Variants in SLC24A1 observed in about 807,000 individuals in gnomAD.
SLC24A1 encodes the protein solute carrier family 24 member 1.
SLC24A1 carries 52 observed loss-of-function variants against 88.1 expected under a neutral mutation model. The observed-to-expected ratio is 0.59, with a 90% CI of 0.47 to 0.74. SLC24A1 has a LOEUF of 0.74. Ranked by LOEUF, SLC24A1 falls within the 30% of genes least tolerant of loss-of-function variation. The probability of loss-of-function intolerance (pLI) is 0.00; values close to 1 mark genes in which losing one functional copy is unlikely to be tolerated. For synonymous variants in SLC24A1, 455 were observed against 498.0 expected (o/e 0.91, Z 1.15); for missense variants, 1,173 against 1,363.3 (o/e 0.86, Z 2.20).
In SLC24A1 at chr15:65,624,044, A is replaced by G. The variant is rs965734156; in HGVS notation, c.-37A>G. On this transcript the variant is annotated 5_prime_UTR_variant, in exon 2 of 10. It removes an upstream start codon present in the reference 5' UTR. Transcript: ENST00000261892. Reference sequence around the variant, plus strand: ...AGAGTAGCCTCCATCTTAGGACAGAATGAGAGGCCTTCTGTAACCAGATAT... The same window carrying G: ...AGAGTAGCCTCCATCTTAGGACAGAGTGAGAGGCCTTCTGTAACCAGATAT... The G allele has an allele frequency of 4.0e-6, 6 of 1,514,426 alleles. No individual in the cohort carries two copies. The African/African-American group carries it at 7.0e-5, about 18-fold the overall frequency. 93.8% of individuals were successfully genotyped at this position (1,514,426 alleles called of 1,614,324 possible).
At position 65,623,977 on chromosome 15, in the gene SLC24A1, G is replaced by T; in HGVS notation, c.-104G>T. ...TAGGGTTGTGGATACCCCCTGGCTG[G>T]GCTTCATGGAGAAATCTTCTCTGAT... is the stretch of plus-strand genomic sequence containing the variant. On this transcript the variant is annotated 5_prime_UTR_variant, in exon 2 of 10. Transcript: ENST00000261892. The T allele has an allele frequency of 9.6e-7, 1 of 1,044,280 alleles. No homozygotes were observed. Among genetic ancestry groups the T allele is most frequent in the Non-Finnish European group, 1.4e-6 (1 of 710,926 alleles). The allele number at this position is 1,044,280 out of a possible 1,614,324, so 64.7% of individuals were successfully genotyped here.
intron 9 of SLC24A1, among the ~76,000 whole-genome samples, chr15:65,653,284 CAG>C (rs1018257938): frequency 1.4e-4 from 21 of 152,310 alleles, no homozygotes; most frequent in East Asian, 1.2e-3. Flanking sequence ...TTGTCAGAAA[CAG>C]GGGCTATTTT....
intron 7 of SLC24A1, 68 bp from the exon 8 acceptor site, chr15:65,651,602 G>T: frequency 1.3e-6 from 1 of 795,882 alleles, no homozygotes. Flanking sequence ...TGTTGGGCTT[G>T]CTCAGAAGGG....
intron 8 of SLC24A1, 128 bp downstream of exon 8, chr15:65,651,887 A>G (rs1428863443): frequency 1.5e-6 from 1 of 688,830 alleles, no homozygotes; most frequent in East Asian, 2.8e-5. Flanking sequence ...TGTTGTTTGT[A>G]AAGGCTTAAA....
Position 65,654,345 on chromosome 15 carries a change from C to G in SLC24A1, c.*266C>G. 2 of 1,255,492 alleles carry G rather than the reference C, an allele frequency of 1.6e-6. No homozygotes were observed. The highest frequency in any genetic ancestry group is 3.9e-5 in the Admixed American group (1 of 25,628). 77.8% of individuals were successfully genotyped at this position (1,255,492 alleles called of 1,614,324 possible). A position where few individuals can be genotyped will look rare whatever the true frequency, so the allele number is the denominator to read the frequency against. ...CTATTACATGGAGGCAGTAGAAGGA[C>G]CCCTGGAGCCAGAGGGTTTTCTAAA... On this transcript the variant is annotated 3_prime_UTR_variant, in exon 10 of 10. Transcript: ENST00000261892.
rs2141456226 is a variant in SLC24A1 at position 65,624,202 on chromosome 15, T to C, written c.122T>C (p.Leu41Pro). The change falls in exon 2 of 10, where the codon CTT becomes CCT. Residue 41 changes from leucine (L) to proline (P), a missense_variant. Transcript: ENST00000261892. ...MLIIGSTYQH[L>P]RRPRGLSSLW... is the part of the protein sequence containing the mutation. ...ATCATCGGTTCTACTTATCAGCACCTTAGGAGACCCCGGGGCCTTTCCTCA... is the reference window on the plus strand; with the variant it reads ...ATCATCGGTTCTACTTATCAGCACCCTAGGAGACCCCGGGGCCTTTCCTCA... 1 of 1,613,888 alleles carries C rather than the reference T, an allele frequency of 6.2e-7. No homozygotes were observed.
chr15:65,645,709 C>T lies in SLC24A1; in HGVS notation c.2232+6C>T. The T allele has an allele frequency of 6.4e-7, 1 of 1,561,756 alleles. No individual in the cohort carries two copies. Among genetic ancestry groups the T allele is most frequent in the South Asian group, 1.2e-5 (1 of 84,652 alleles). On this transcript the variant is annotated splice_donor_region_variant and intron_variant, in intron 6 of 9. Transcript: ENST00000261892. ...AGGAGAATCCAGGCGGTCAGGTAGG[C>T]ACCCAGCCTTGGCACAGACAAAATT...
upstream of SLC24A1, among the ~76,000 whole-genome samples, chr15:65,617,745 T>C (rs527435270): frequency 2.2e-4 from 34 of 152,222 alleles, no homozygotes; most frequent in Non-Finnish European, 4.4e-4. Flanking sequence ...TTGCAAGTGT[T>C]GGCCAGAACT....
At chr15:65,656,284 T>C (rs1596361650), downstream of SLC24A1, 1 of 981,936 alleles carries the variant, frequency 1.0e-6, no homozygotes, top group African/African-American at 1.7e-5. Flanking sequence ...GTTTGCTGAA[T>C]TTCTGGCATA....
At position 65,624,243 on chromosome 15, in the gene SLC24A1, T is replaced by A; in HGVS notation, c.163T>A (p.Ser55Thr). The change falls in exon 2 of 10, where the codon TCT becomes ACT. Residue 55 changes from serine (S) to threonine (T), a missense_variant. Physicochemically the swap from Ser to Thr is moderately conservative, Grantham distance 58 (BLOSUM62 1). Coordinates refer to ENST00000261892, the MANE Select transcript of SLC24A1 (RefSeq NM_004727.3). ...RGLSSLWAAV[S>T]SHQPIKLASR... ...CCTTTCCTCATTGTGGGCAGCAGTC[T>A]CTTCTCATCAGCCTATAAAACTGGC... 1 of 1,613,880 alleles carries A rather than the reference T, an allele frequency of 6.2e-7. No individual in the cohort carries two copies. Among genetic ancestry groups the A allele is most frequent in the South Asian group, 1.1e-5 (1 of 91,066 alleles).
At chr15:65,644,355 T>C (rs769728365) in intron 4 of SLC24A1, 72 bp from the exon 5 acceptor site, 148 of 1,070,804 alleles carry the variant, frequency 1.4e-4, no homozygotes, top group Middle Eastern at 6.0e-4. Context: ...CAGCTGACTG[T>C]CCTAACTGAA....
At chr15:65,618,560 A>G (rs1566942628), upstream of SLC24A1, among the ~76,000 whole-genome samples, 1 of 152,204 alleles carries the variant, frequency 6.6e-6, no homozygotes, top group Non-Finnish European at 1.5e-5. Flanking sequence ...ATTCTGGCAT[A>G]TAGGAGGGAC....
intron 6 of SLC24A1, among the ~76,000 whole-genome samples, chr15:65,645,933 G>T (rs2075287332): frequency 1.3e-5 from 2 of 152,182 alleles, no homozygotes; most frequent in Admixed American, 1.3e-4. Flanking sequence ...AATGTATTGT[G>T]AACTGTCACA....
downstream of SLC24A1, chr15:65,660,303 G>T (rs1195926315): frequency 1.3e-6 from 2 of 1,535,258 alleles, no homozygotes; most frequent in African/African-American, 1.4e-5. Flanking sequence ...AAATGTTTCA[G>T]CATGGTGCTA....
At chr15:65,636,005 G>C (rs1019540478) in intron 2 of SLC24A1, among the ~76,000 whole-genome samples, 3 of 152,214 alleles carry the variant, frequency 2.0e-5, no homozygotes, top group African/African-American at 7.2e-5. Context: ...AGTGGCCCTA[G>C]ATCAAGCACT....
chr15:65,621,612 C>A (rs527773878), upstream of SLC24A1, among the ~76,000 whole-genome samples: 6 of 152,306 alleles, frequency 3.9e-5, no homozygotes, highest in Admixed American at 3.3e-4. Flanking sequence ...TAACTGAGGT[C>A]TTCTGATCTC....
At chr15:65,658,565 T>C (rs536085217), downstream of SLC24A1, 1 of 152,380 alleles carries the variant, frequency 6.6e-6, no homozygotes, top group African/African-American at 2.4e-5. Context: ...CAGAAGTGTT[T>C]TGGATTTCAG....
chr15:65,642,533 A>C (rs984008869), intron 4 of SLC24A1, among the ~76,000 whole-genome samples: 2 of 152,226 alleles, frequency 1.3e-5, no homozygotes, highest in African/African-American at 4.8e-5. Context: ...AGATAATCTC[A>C]GTGCCAAGAC....
downstream of SLC24A1, chr15:65,659,649 T>C (rs1020545422): frequency 1.2e-4 from 19 of 152,214 alleles, no homozygotes; most frequent in Admixed American, 1.2e-3. Flanking sequence ...AGCTCAAGAA[T>C]GATTCACATT....
Sources: gnomAD v4.1 joint callset for allele counts (sites outside exome capture counted in the v4.1 genomes callset) on GRCh38, gnomAD v4.1.1 for gene constraint, MANE v1.5 for transcripts, NCBI Gene and HGNC (gene_info 2026-07-23, HGNC 2026-07-21) for gene names.